NLRP14: variants seen among roughly 807,000 people sequenced by gnomAD.
The protein encoded by NLRP14 is NACHT, LRR and PYD domains-containing protein 14.
NLRP14 carries 105 observed loss-of-function variants against 94.7 expected under a neutral mutation model. The observed-to-expected ratio is 1.11, with a 90% CI of 0.95 to 1.30. The LOEUF is 1.30. NLRP14 is among the 50% of genes most tolerant of loss of function. The probability of loss-of-function intolerance (pLI) is 0.00; values close to 1 mark genes in which losing one functional copy is unlikely to be tolerated. For synonymous variants in NLRP14, 508 were observed against 459.9 expected, an observed-to-expected ratio of 1.10 and a Z score of -1.34; for missense variants, 1,362 against 1,254.1, an observed-to-expected ratio of 1.09 and a Z score of -1.30.
Position 7,043,503 on chromosome 11 carries a change from A to C in NLRP14, c.1477A>C (p.Met493Leu). 1 of 1,614,140 alleles carries C rather than the reference A, an allele frequency of 6.2e-7. No individual in the cohort carries two copies. The highest frequency in any genetic ancestry group is 8.5e-7 in the Non-Finnish European group (1 of 1,180,016). ...GGAGTTTTTTGCAGCTATGTTCTAT[A>C]TGTTGAAAGGCAGTTGGGAAGCTGG... ...VQEFFAAMFY[M>L]LKGSWEAGNP... The change falls in exon 4 of 12, where the codon ATG becomes CTG. Residue 493 changes from methionine (M) to leucine (L), a missense_variant. Transcript: ENST00000299481.
At chr11:7,029,353 C>T (rs1162152304) in intron 1 of NLRP14, among the ~76,000 whole-genome samples, 1 of 152,128 alleles carries the variant, frequency 6.6e-6, no homozygotes, top group East Asian at 1.9e-4. Flanking sequence ...TATTTGCAGA[C>T]CTTTTAGATA....
chr11:7,086,817 T>C, the NLRP14 span, among the ~76,000 whole-genome samples: 3 of 152,086 alleles, frequency 2.0e-5, no homozygotes, highest in African/African-American at 7.2e-5. Context: ...TAGCTAGCCC[T>C]GAGGAATGAA....
At chr11:7,090,005 A>G in the NLRP14 span, 1 of 1,612,726 alleles carries the variant, frequency 6.2e-7, no homozygotes, top group Non-Finnish European at 8.5e-7. Flanking sequence ...CCGCCCCAGG[A>G]CGGGGGACAC....
chr11:7,077,065 C>A, the NLRP14 span, among the ~76,000 whole-genome samples: 10 of 152,334 alleles, frequency 6.6e-5, no homozygotes, highest in South Asian at 2.1e-3. Context: ...TCCCTAGAAT[C>A]GCATCCGGTG....
At chr11:7,026,878 G>T (rs990481091) in intron 1 of NLRP14, among the ~76,000 whole-genome samples, 1 of 151,262 alleles carries the variant, frequency 6.6e-6, no homozygotes, top group African/African-American at 2.4e-5. Context: ...GAGTTAATGG[G>T]TGCAGCACAC....
the NLRP14 span, among the ~76,000 whole-genome samples, chr11:7,082,696 AT>A: frequency 2.0e-5 from 3 of 152,004 alleles, no homozygotes; most frequent in Non-Finnish European, 4.4e-5. Flanking sequence ...ATTTATACAA[AT>A]TTTTCCACCT....
chr11:7,076,602 A>G, the NLRP14 span, among the ~76,000 whole-genome samples: 5 of 152,220 alleles, frequency 3.3e-5, no homozygotes, highest in East Asian at 9.7e-4. Context: ...CTGCAGTTGA[A>G]ATATCGCCTC....
chr11:7,089,901 G>A, the NLRP14 span: 1 of 1,612,928 alleles, frequency 6.2e-7, no homozygotes, highest in Non-Finnish European at 8.5e-7. Context: ...CAGCGACCGA[G>A]ACGGCTACGG....
At position 7,071,383 on chromosome 11, in the gene NLRP14, TGCTTAGCTTCAG is replaced by T; in HGVS notation, c.*76_*87del. On this transcript the variant is annotated 3_prime_UTR_variant, in exon 12 of 12. Coordinates refer to ENST00000299481, the MANE Select transcript of NLRP14 (RefSeq NM_176822.4). ...ACATAGATATATACCCAGACTTGGG[TGCTTAGCTTCAG>T]ATACTCTATGCCCAGAGATAGTGCA... The T allele has an allele frequency of 2.3e-6, 3 of 1,291,514 alleles. No homozygotes were observed. Among genetic ancestry groups the T allele is most frequent in the Non-Finnish European group, 3.3e-6 (3 of 914,286 alleles). 80.0% of individuals were successfully genotyped at this position (1,291,514 alleles called of 1,614,324 possible).
At chr11:7,055,269 T>C (rs1364170185) in intron 6 of NLRP14, among the ~76,000 whole-genome samples, 4 of 152,264 alleles carry the variant, frequency 2.6e-5, no homozygotes, top group Middle Eastern at 3.4e-3. Flanking sequence ...GCTCCTTCTC[T>C]TGGCAATATC....
chr11:7,052,326 G>T (rs1852452151), intron 6 of NLRP14, among the ~76,000 whole-genome samples: 1 of 152,090 alleles, frequency 6.6e-6, no homozygotes, highest in Non-Finnish European at 1.5e-5. Context: ...ATTTCAGAAG[G>T]GGGGCAACTA....
intron 10 of NLRP14, among the ~76,000 whole-genome samples, chr11:7,064,030 A>G (rs573625790): frequency 3.3e-5 from 5 of 152,060 alleles, no homozygotes; most frequent in African/African-American, 4.8e-5. Context: ...GGTAGAGGTC[A>G]CTCTAATTTT....
At chr11:7,066,997 AG>A (rs1852715342) in intron 10 of NLRP14, among the ~76,000 whole-genome samples, 1 of 152,100 alleles carries the variant, frequency 6.6e-6, no homozygotes. Context: ...GGTTTGTCAA[AG>A]GTCAAGTGGT....
chr11:7,074,328 A>G (rs1852846062), downstream of NLRP14, among the ~76,000 whole-genome samples: 1 of 152,232 alleles, frequency 6.6e-6, no homozygotes, highest in African/African-American at 2.4e-5. Flanking sequence ...AGGTGGCTTT[A>G]CTGAGGTTGA....
At chr11:7,054,413 A>G (rs112661285) in intron 6 of NLRP14, among the ~76,000 whole-genome samples, 1,693 of 152,248 alleles carry the variant, frequency 0.011, 24 homozygotes, top group African/African-American at 0.039. Context: ...GTGTTAATTT[A>G]CACTGCTACT....
At chr11:7,058,734 A>T (rs1160655065) in intron 8 of NLRP14, among the ~76,000 whole-genome samples, 1 of 151,936 alleles carries the variant, frequency 6.6e-6, no homozygotes, top group Non-Finnish European at 1.5e-5. Flanking sequence ...CCTTAGGGAG[A>T]TAATGCACCT....
chr11:7,079,523 C>T, the NLRP14 span, among the ~76,000 whole-genome samples: 18 of 152,326 alleles, frequency 1.2e-4, no homozygotes, highest in African/African-American at 7.2e-5. Context: ...TATAAGTATA[C>T]ATTAAAATAT....
chr11:7,039,338 C>T (rs532583549), intron 2 of NLRP14, among the ~76,000 whole-genome samples: 11 of 147,694 alleles, frequency 7.4e-5, no homozygotes, highest in African/African-American at 9.9e-5. Context: ...ATTCCTTACG[C>T]GTATACAAGG....
At chr11:7,068,538 C>G (rs146309488) in intron 10 of NLRP14, among the ~76,000 whole-genome samples, 1 of 152,238 alleles carries the variant, frequency 6.6e-6, no homozygotes, top group East Asian at 1.9e-4. Flanking sequence ...TATATTCAGT[C>G]TGTAGAATTG....
Sources: gnomAD v4.1 joint callset for allele counts (sites outside exome capture counted in the v4.1 genomes callset) on GRCh38, gnomAD v4.1.1 for gene constraint, MANE v1.5 for transcripts, NCBI Gene and HGNC (gene_info 2026-07-23, HGNC 2026-07-21) for gene names.